The following ADK variants were observed in gnomAD, a reference collection of about 807,000 sequenced individuals.
The protein encoded by ADK is N6,N6-dimethyladenosine kinase.
Under a neutral mutation model 44.7 loss-of-function variants are expected in ADK, and 24 were observed. That is an observed-to-expected ratio of 0.54 (90% CI 0.39 to 0.76). The LOEUF is 0.76. Ranked by LOEUF, ADK falls within the 30% of genes least tolerant of loss-of-function variation. ADK has a pLI of 0.00. For synonymous variants in ADK, 128 were observed against 142.6 expected (o/e 0.90, Z 0.73); for missense variants, 321 against 425.1 (o/e 0.76, Z 2.15).
chr10:74,349,030 C>G (rs1841871086), intron 4 of ADK, among the ~76,000 whole-genome samples: 1 of 152,038 alleles, frequency 6.6e-6, no homozygotes, highest in South Asian at 2.1e-4. Context: ...CCTAGCAAGA[C>G]AGGCCAACAC....
intron 10 of ADK, among the ~76,000 whole-genome samples, chr10:74,685,296 C>A (rs941152948): frequency 1.4e-4 from 21 of 152,194 alleles, no homozygotes; most frequent in Non-Finnish European, 2.8e-4. Context: ...CTTTTTATGT[C>A]TTCTTGCACT....
At chr10:74,561,627 A>G (rs1271627964) in intron 7 of ADK, among the ~76,000 whole-genome samples, 1 of 152,232 alleles carries the variant, frequency 6.6e-6, no homozygotes, top group Non-Finnish European at 1.5e-5. Context: ...CAATACAAAT[A>G]GTTACAATAT....
intron 10 of ADK, among the ~76,000 whole-genome samples, chr10:74,673,734 C>T (rs1435930009): frequency 6.6e-6 from 1 of 152,172 alleles, no homozygotes; most frequent in Admixed American, 6.5e-5. Flanking sequence ...TCTTGTCCGG[C>T]ATCCAGGATA....
intron 4 of ADK, among the ~76,000 whole-genome samples, chr10:74,330,411 G>C (rs538590063): frequency 3.2e-4 from 48 of 152,138 alleles, no homozygotes; most frequent in African/African-American, 1.1e-3. Flanking sequence ...AAACACAGTG[G>C]CATCCTGTCT....
intron 5 of ADK, among the ~76,000 whole-genome samples, chr10:74,395,300 C>T (rs1481150441): frequency 1.3e-5 from 2 of 152,038 alleles, no homozygotes; most frequent in Non-Finnish European, 2.9e-5. Flanking sequence ...CTTCTATTTA[C>T]CCACTTTATT....
intron 5 of ADK, among the ~76,000 whole-genome samples, chr10:74,398,121 T>C (rs1487202484): frequency 1.3e-5 from 2 of 152,170 alleles, no homozygotes; most frequent in African/African-American, 4.8e-5. Context: ...AAAAATGTTT[T>C]TAGTTGCATA....
At chr10:74,657,473 G>A (rs925465205) in intron 9 of ADK, among the ~76,000 whole-genome samples, 2 of 152,142 alleles carry the variant, frequency 1.3e-5, no homozygotes, top group African/African-American at 4.8e-5. Context: ...CCAATGGCAG[G>A]ATCACTGACA....
intron 6 of ADK, among the ~76,000 whole-genome samples, chr10:74,450,486 C>T (rs1845736454): frequency 6.6e-6 from 1 of 152,114 alleles, no homozygotes; most frequent in South Asian, 2.1e-4. Context: ...ATAATAAATA[C>T]TGCTTGATGA....
At chr10:74,491,054 C>G (rs2164367) in intron 6 of ADK, among the ~76,000 whole-genome samples, 95,574 of 151,906 alleles carry the variant, frequency 0.63, 31,967 homozygotes, top group Middle Eastern at 0.8. Flanking sequence ...AATACTAGCC[C>G]TATAGAATTC....
intron 3 of ADK, among the ~76,000 whole-genome samples, chr10:74,296,900 C>G (rs777337370): frequency 7.9e-5 from 12 of 152,146 alleles, no homozygotes; most frequent in Non-Finnish European, 1.6e-4. Context: ...AGGCGTGAGT[C>G]ATCGCGCCCG....
intron 9 of ADK, among the ~76,000 whole-genome samples, chr10:74,638,920 A>G (rs1457291306): frequency 1.3e-5 from 2 of 151,870 alleles, no homozygotes; most frequent in Admixed American, 1.3e-4. Flanking sequence ...TGATCCTCCC[A>G]CCTCAGCCTT....
chr10:74,529,306 A>AAT (rs1384529363), intron 7 of ADK: 1 of 152,182 alleles, frequency 6.6e-6, no homozygotes, highest in African/African-American at 2.4e-5. Context: ...AAGTATCTAG[A>AAT]ATAGGCAAAT....
In ADK at chr10:74,171,814, G is replaced by C. The variant is rs993207405; in HGVS notation, c.65+20471G>C. Among the ~76,000 whole-genome samples, 350 of 111,222 alleles carry C rather than the reference G, an allele frequency of 3.1e-3. 2 individuals are homozygous for C. The highest frequency in any genetic ancestry group is 0.01 in the African/African-American group (321 of 31,306). The allele number at this position is 111,222 out of a possible 152,430, so 73.0% of individuals were successfully genotyped here. A position where few individuals can be genotyped will look rare whatever the true frequency, so the allele number is the denominator to read the frequency against. The stretch of plus-strand genomic sequence containing the variant: ...TTTCTGTCTCTCTCTGTCTCTCTGT[G>C]TGTGTGTGTGTGTGTGTGTGTGTGT... On this transcript the variant is annotated intron_variant, in intron 1 of 10. Transcript: ENST00000539909.
Position 74,498,508 on chromosome 10 carries a change from C to T in ADK, c.556-26748C>T, listed in dbSNP as rs145291791. ...AGAAACATATAATCTATCCTTTTCT[C>T]TAATAACTCTACACTTTATTTTTTA... On this transcript the variant is annotated intron_variant, in intron 6 of 10. Transcript: ENST00000539909. 4.0e-3 allele frequency among the ~76,000 whole-genome samples: 611 copies of T among 152,256 alleles called. 7 individuals are homozygous for T. Among genetic ancestry groups the T allele is most frequent in the African/African-American group, 0.014 (569 of 41,500 alleles).
At chr10:74,696,507 A>G (rs1311685015) in intron 10 of ADK, among the ~76,000 whole-genome samples, 2 of 150,764 alleles carry the variant, frequency 1.3e-5, no homozygotes, top group African/African-American at 4.9e-5. Context: ...CTGGGACTAC[A>G]GGCACCCGCC....
intron 1 of ADK, among the ~76,000 whole-genome samples, chr10:74,194,182 A>T (rs912836757): frequency 6.6e-6 from 1 of 152,214 alleles, no homozygotes; most frequent in Non-Finnish European, 1.5e-5. Flanking sequence ...AGGGAATTTT[A>T]AAAAGATGAA....
At chr10:74,526,837 C>T (rs931371745) in intron 7 of ADK, among the ~76,000 whole-genome samples, 5 of 152,152 alleles carry the variant, frequency 3.3e-5, no homozygotes, top group Non-Finnish European at 7.4e-5. Flanking sequence ...TTAGTTTTTC[C>T]TTATTAACAG....
chr10:74,631,473 G>A (rs558186728), intron 9 of ADK, among the ~76,000 whole-genome samples: 47 of 150,716 alleles, frequency 3.1e-4, no homozygotes, highest in Admixed American at 2.7e-3. Flanking sequence ...GTCAGGAATG[G>A]TCTCAAACTC....
chr10:74,321,572 T>C (rs1056195328), intron 4 of ADK, among the ~76,000 whole-genome samples: 4 of 152,206 alleles, frequency 2.6e-5, no homozygotes, highest in Admixed American at 1.3e-4. Flanking sequence ...GATCCTTATT[T>C]CTGTCTTATA....
Sources: gnomAD v4.1 joint callset for allele counts (sites outside exome capture counted in the v4.1 genomes callset) on GRCh38, gnomAD v4.1.1 for gene constraint, MANE v1.5 for transcripts, NCBI Gene and HGNC (gene_info 2026-07-23, HGNC 2026-07-21) for gene names.